CCDC83: variants seen among roughly 807,000 people sequenced by gnomAD.
CCDC83 encodes coiled-coil domain-containing protein 83.
Under a neutral mutation model 50.1 loss-of-function variants are expected in CCDC83, and 54 were observed. That is an observed-to-expected ratio of 1.08 (90% CI 0.87 to 1.35). CCDC83 has a LOEUF of 1.35. CCDC83 is among the 40% of genes most tolerant of loss of function. The probability of loss-of-function intolerance (pLI) is 0.00; values close to 1 mark genes in which losing one functional copy is unlikely to be tolerated. For synonymous variants in CCDC83, 161 were observed against 153.3 expected (o/e 1.05, Z -0.37); for missense variants, 518 against 473.9 (o/e 1.09, Z -0.86).
intron 5 of CCDC83, among the ~76,000 whole-genome samples, chr11:85,891,028 G>A (rs566393276): frequency 6.6e-6 from 1 of 152,258 alleles, no homozygotes; most frequent in Admixed American, 6.5e-5. Flanking sequence ...GAAGACTGAA[G>A]ACAGAATGAT....
chr11:85,872,170 C>T (rs1357686057), intron 2 of CCDC83, among the ~76,000 whole-genome samples: 1 of 152,084 alleles, frequency 6.6e-6, no homozygotes, highest in Non-Finnish European at 1.5e-5. Context: ...CCAGCCTGGT[C>T]TGGAACTCCT....
intron 5 of CCDC83, among the ~76,000 whole-genome samples, chr11:85,887,659 C>CATAT (rs145805921): frequency 0.018 from 2,699 of 148,638 alleles, 30 homozygotes; most frequent in African/African-American, 0.025. Flanking sequence ...ATATTCTATG[C>CATAT]ATATATATAT....
intron 8 of CCDC83, 88 bp from the exon 9 acceptor site, chr11:85,915,331 C>A: frequency 1.1e-6 from 1 of 914,542 alleles, no homozygotes; most frequent in Non-Finnish European, 1.7e-6. Flanking sequence ...CTATGCATTT[C>A]TAGCACCTAG....
intron 1 of CCDC83, among the ~76,000 whole-genome samples, chr11:85,860,441 A>C (rs2093169428): frequency 6.6e-6 from 1 of 152,244 alleles, no homozygotes; most frequent in Admixed American, 6.5e-5. Flanking sequence ...AACCATGATA[A>C]GATACTATCA....
intron 7 of CCDC83, among the ~76,000 whole-genome samples, chr11:85,899,416 G>A (rs1161695406): frequency 2.0e-5 from 3 of 152,162 alleles, no homozygotes; most frequent in African/African-American, 7.2e-5. Flanking sequence ...ACTGACATTT[G>A]AACCAGATAA....
At chr11:85,881,485 C>T (rs549247336) in intron 3 of CCDC83, among the ~76,000 whole-genome samples, 17 of 152,166 alleles carry the variant, frequency 1.1e-4, no homozygotes, top group East Asian at 7.7e-4. Context: ...TGCAATGGTG[C>T]GATCATAGCT....
At chr11:85,909,472 C>T (rs1426372103) in intron 7 of CCDC83, among the ~76,000 whole-genome samples, 1 of 152,180 alleles carries the variant, frequency 6.6e-6, no homozygotes, top group Non-Finnish European at 1.5e-5. Flanking sequence ...CCCATGAGCA[C>T]CTCCTGATCC....
At position 85,889,525 on chromosome 11, in the gene CCDC83, T is replaced by A. The variant is rs554288346; in HGVS notation, c.511+3158T>A. 3.3e-5 allele frequency among the ~76,000 whole-genome samples: 5 copies of A among 152,358 alleles called. No individual in the cohort carries two copies. In the South Asian group the frequency reaches 8.3e-4, roughly 25 times the overall value. ...GGCTTGTGTTATTTTCCATTAGTTT[T>A]AGGGACTTGTCTTAACCATCCAGGT... On this transcript the variant is annotated intron_variant, in intron 5 of 10. Transcript: ENST00000342404.
rs1450284448 is a variant in CCDC83, at chr11:85,916,011, C to T, written c.875-17C>T. ...TTCAAAATGTATACATAATTAATTCCTTTGTATTTATCCAAGAAGAGAAGT... is the reference window on the plus strand; with the variant it reads ...TTCAAAATGTATACATAATTAATTCTTTTGTATTTATCCAAGAAGAGAAGT... On this transcript the variant is annotated splice_polypyrimidine_tract_variant and intron_variant, in intron 9 of 10. Transcript: ENST00000342404. 1.3e-6 allele frequency: 2 copies of T among 1,522,360 alleles called. No homozygotes were observed. Among genetic ancestry groups the T allele is most frequent in the South Asian group, 1.2e-5 (1 of 86,472 alleles). The allele number at this position is 1,522,360 out of a possible 1,614,324, so 94.3% of individuals were successfully genotyped here.
chr11:85,866,508 A>C (rs543239500), intron 2 of CCDC83, among the ~76,000 whole-genome samples: 1 of 152,050 alleles, frequency 6.6e-6, no homozygotes, highest in South Asian at 2.1e-4. Context: ...CATGATGAAA[A>C]CTCATCTTTA....
chr11:85,909,609 C>CTTTT lies in CCDC83; in HGVS notation c.673-1644_673-1641dup, dbSNP rs71468972. Among the ~76,000 whole-genome samples the CTTTT allele has an allele frequency of 4.5e-3, 259 of 57,724 alleles. 61 individuals are homozygous for CTTTT. The highest frequency in any genetic ancestry group is 0.016 in the African/African-American group (219 of 13,838). 37.9% of individuals were successfully genotyped at this position (57,724 alleles called of 152,430 possible). ...TTTGGACAAAAGTCATCAAAATACA[C>CTTTT]TTTTTTTTTTTTTTTTTTTTTTTTT... On this transcript the variant is annotated intron_variant, in intron 7 of 10. Transcript: ENST00000342404.
At chr11:85,886,765 C>T (rs2093328902) in intron 5 of CCDC83, among the ~76,000 whole-genome samples, 1 of 151,978 alleles carries the variant, frequency 6.6e-6, no homozygotes, top group Admixed American at 6.6e-5. Context: ...ATTAAAAAAT[C>T]AGTTGGGCAT....
In CCDC83 at chr11:85,895,266, T is replaced by C. The variant is rs1565148387; in HGVS notation, c.512-27T>C. The C allele has an allele frequency of 1.7e-4, 15 of 89,846 alleles. No homozygotes were observed. The South Asian group carries it at 2.7e-3, about 16-fold the overall frequency. 5.6% of individuals were successfully genotyped at this position (89,846 alleles called of 1,614,324 possible). ...TGCTTGATAAGGCTTTTAATTTTCTTTTTTTTTTTTTTTTTTTTTTTTAAA... is the reference window on the plus strand; with the variant it reads ...TGCTTGATAAGGCTTTTAATTTTCTCTTTTTTTTTTTTTTTTTTTTTTAAA... On this transcript the variant is annotated intron_variant, in intron 5 of 10. Coordinates refer to ENST00000342404, the MANE Select transcript of CCDC83 (RefSeq NM_001286159.2).
chr11:85,892,899 C>G (rs1205236195), intron 5 of CCDC83, among the ~76,000 whole-genome samples: 1 of 152,198 alleles, frequency 6.6e-6, no homozygotes, highest in Non-Finnish European at 1.5e-5. Flanking sequence ...AAGGCTTCCA[C>G]TTCTTATTCT....
At position 85,905,399 on chromosome 11, in the gene CCDC83, G is replaced by A. The variant is rs557311911; in HGVS notation, c.673-5882G>A. On this transcript the variant is annotated intron_variant, in intron 7 of 10. Transcript: ENST00000342404. Reference sequence around the variant, plus strand: ...AAAGTTTGCAGTGAGCCGAGATTGCGCCATTGCACTCCAGCCTGGGCAACA... The same window carrying A: ...AAAGTTTGCAGTGAGCCGAGATTGCACCATTGCACTCCAGCCTGGGCAACA... Among the ~76,000 whole-genome samples the A allele has an allele frequency of 4.0e-3, 569 of 143,080 alleles. 1 individual carries two copies. Among genetic ancestry groups the A allele is most frequent in the Non-Finnish European group, 4.6e-3 (308 of 66,710 alleles). The allele number at this position is 143,080 out of a possible 152,430, so 93.9% of individuals were successfully genotyped here.
At chr11:85,883,991 G>A (rs1021635256) in intron 4 of CCDC83, among the ~76,000 whole-genome samples, 6 of 152,214 alleles carry the variant, frequency 3.9e-5, no homozygotes, top group African/African-American at 1.4e-4. Context: ...TTCCAAAAGA[G>A]TTCTGCTTAT....
At chr11:85,879,911 C>G (rs1318303092) in intron 3 of CCDC83, among the ~76,000 whole-genome samples, 1 of 152,162 alleles carries the variant, frequency 6.6e-6, no homozygotes, top group Non-Finnish European at 1.5e-5. Flanking sequence ...CCACCGCGCC[C>G]TGCCTTGTGT....
intron 3 of CCDC83, among the ~76,000 whole-genome samples, chr11:85,878,375 T>C (rs4631905): frequency 0.34 from 52,254 of 152,090 alleles, 9,959 homozygotes; most frequent in African/African-American, 0.49. Context: ...GCAACCATTA[T>C]TCTGTTCTCC....
At chr11:85,862,452 G>A (rs945224065) in intron 1 of CCDC83, among the ~76,000 whole-genome samples, 20 of 152,178 alleles carry the variant, frequency 1.3e-4, no homozygotes, top group African/African-American at 4.8e-4. Context: ...GAATTTTAAA[G>A]CTGCTCATTT....
Sources: gnomAD v4.1 joint callset for allele counts (sites outside exome capture counted in the v4.1 genomes callset) on GRCh38, gnomAD v4.1.1 for gene constraint, MANE v1.5 for transcripts, NCBI Gene and HGNC (gene_info 2026-07-23, HGNC 2026-07-21) for gene names.